KCNN2: variants seen among roughly 807,000 people sequenced by gnomAD.
KCNN2 encodes the protein potassium calcium-activated channel subfamily N member 2.
A neutral mutation model predicts 55.5 loss-of-function variants in KCNN2; 24 were observed. The ratio of observed to expected loss-of-function variants is 0.43; its 90% confidence interval spans 0.31 to 0.61. The LOEUF is 0.61. KCNN2 is among the 20% of genes least tolerant of loss of function. The probability of loss-of-function intolerance (pLI) is 0.08; values close to 1 mark genes in which losing one functional copy is unlikely to be tolerated. For missense variants in KCNN2, 754 were observed against 853.6 expected (o/e 0.88, Z 1.45); for synonymous variants, 431 against 336.1 (o/e 1.28, Z -3.09).
Position 114,362,859 on chromosome 5 carries a change from C to T in KCNN2, c.720C>T (p.Asp240=), listed in dbSNP as rs770799115. 8 of 1,599,910 alleles carry T rather than the reference C, an allele frequency of 5.0e-6. No homozygotes were observed. In the Admixed American group the frequency reaches 1.3e-4, roughly 27 times the overall value. Residue 240 remains aspartate (D), a synonymous_variant, in exon 1 of 8, where the codon GAC becomes GAT. Transcript: ENST00000673685. The part of the protein sequence containing the change: ...SASRRNLHEM[D]SEAQPLQPPA... ...CCCGCCGGAACCTGCACGAGATGGA[C>T]TCAGAGGCGCAGCCCCTGCAGCCCC... is the stretch of plus-strand genomic sequence containing the variant.
chr5:114,200,876 G>C (rs1177281878), intron 1 of KCNN2, among the ~76,000 whole-genome samples: 1 of 152,114 alleles, frequency 6.6e-6, no homozygotes, highest in East Asian at 1.9e-4. Context: ...TCGATGTCAA[G>C]TGAGCCAGTC....
chr5:114,115,609 CTT>C (rs1226777825), intron 1 of KCNN2, among the ~76,000 whole-genome samples: 1 of 151,964 alleles, frequency 6.6e-6, no homozygotes, highest in African/African-American at 2.4e-5. Context: ...AGATTTGACA[CTT>C]TGTTTGAATC....
At chr5:114,490,302 C>A (rs527400697) in intron 6 of KCNN2, among the ~76,000 whole-genome samples, 40 of 152,154 alleles carry the variant, frequency 2.6e-4, no homozygotes, top group South Asian at 1.5e-3. Context: ...TGTACCCCCC[C>A]AAAAAAATTA....
At chr5:114,071,332 C>G (rs1420354987) in intron 1 of KCNN2, among the ~76,000 whole-genome samples, 5 of 152,162 alleles carry the variant, frequency 3.3e-5, no homozygotes, top group Non-Finnish European at 5.9e-5. Context: ...GCCTTCAACT[C>G]CTAACCCTTG....
intron 1 of KCNN2, among the ~76,000 whole-genome samples, chr5:114,140,453 G>T (rs1219645597): frequency 6.6e-6 from 1 of 152,064 alleles, no homozygotes; most frequent in African/African-American, 2.4e-5. Flanking sequence ...GGAAGTAGAA[G>T]AATTAATCCC....
At chr5:114,079,341 T>C (rs1158539502) in intron 1 of KCNN2, among the ~76,000 whole-genome samples, 1 of 152,178 alleles carries the variant, frequency 6.6e-6, no homozygotes, top group East Asian at 1.9e-4. Flanking sequence ...TATAGCATTA[T>C]ACGTCATGAA....
chr5:114,143,607 GT>G (rs1237241440), intron 1 of KCNN2, among the ~76,000 whole-genome samples: 2 of 152,132 alleles, frequency 1.3e-5, no homozygotes, highest in Non-Finnish European at 2.9e-5. Flanking sequence ...ATGAACATCT[GT>G]TTTTCTGTGA....
chr5:114,319,737 C>A (rs922701787), intron 2 of KCNN2, among the ~76,000 whole-genome samples: 1 of 152,190 alleles, frequency 6.6e-6, no homozygotes, highest in South Asian at 2.1e-4. Flanking sequence ...AGATATAATG[C>A]TTGATAATGT....
intron 2 of KCNN2, among the ~76,000 whole-genome samples, chr5:114,314,278 C>T (rs956580530): frequency 2.0e-5 from 3 of 152,128 alleles, no homozygotes; most frequent in African/African-American, 7.2e-5. Flanking sequence ...ACACCTTGCA[C>T]TGGTGTGGAA....
At chr5:114,253,962 A>G (rs1386368672) in intron 2 of KCNN2, among the ~76,000 whole-genome samples, 1 of 152,238 alleles carries the variant, frequency 6.6e-6, no homozygotes, top group African/African-American at 2.4e-5. Context: ...TTCATAAACA[A>G]TTGCATGCCA....
Position 114,111,602 on chromosome 5 carries a change from C to T in KCNN2, c.-271+55102C>T, listed in dbSNP as rs562613179. 1.2e-3 allele frequency among the ~76,000 whole-genome samples: 176 copies of T among 152,148 alleles called. 1 individual carries two copies. Among genetic ancestry groups the T allele is most frequent in the African/African-American group, 4.2e-3 (173 of 41,484 alleles). ...ATCCATCTGACAAAGGGCTAATATC[C>T]AGAATCTACAAAGAACTCAAACAAA... On this transcript the variant is annotated intron_variant, in intron 1 of 10. Transcript: ENST00000512097.
intron 2 of KCNN2, among the ~76,000 whole-genome samples, chr5:114,241,719 T>C (rs4273595): frequency 0.11 from 11,021 of 104,934 alleles, 3,091 homozygotes; most frequent in Middle Eastern, 0.18. Flanking sequence ...TATATATATA[T>C]ACGTATATAT....
chr5:114,142,469 G>A (rs1021712966), intron 1 of KCNN2, among the ~76,000 whole-genome samples: 4 of 152,060 alleles, frequency 2.6e-5, no homozygotes, highest in Admixed American at 2.0e-4. Context: ...TTTAGAATAC[G>A]CCATCATCTC....
chr5:114,359,670 C>T (rs961401312), upstream of KCNN2, among the ~76,000 whole-genome samples: 4 of 152,018 alleles, frequency 2.6e-5, no homozygotes, highest in African/African-American at 4.8e-5. Flanking sequence ...AATTTATGAA[C>T]GGCTAATAAA....
rs180974342 is a variant in KCNN2 at position 114,421,830 on chromosome 5, G to A, written c.1637+16974G>A. Among the ~76,000 whole-genome samples the A allele has an allele frequency of 3.8e-3, 573 of 152,184 alleles. 2 individuals are homozygous for A. Among genetic ancestry groups the A allele is most frequent in the African/African-American group, 0.013 (557 of 41,524 alleles). ...TCACCATGTTGTCCAGGTGGGTCTCGAACTCCTGACCTCAGGTTATCCACC... is the reference window on the plus strand; with the variant it reads ...TCACCATGTTGTCCAGGTGGGTCTCAAACTCCTGACCTCAGGTTATCCACC... On this transcript the variant is annotated intron_variant, in intron 3 of 7. Coordinates refer to ENST00000673685, the MANE Select transcript of KCNN2 (RefSeq NM_021614.4).
chr5:114,243,336 G>T (rs574617280), intron 2 of KCNN2, among the ~76,000 whole-genome samples: 1 of 151,986 alleles, frequency 6.6e-6, no homozygotes, highest in African/African-American at 2.4e-5. Flanking sequence ...TCAGTTACTC[G>T]TGGCCAGCTG....
At chr5:114,339,405 G>A (rs897586775) in intron 2 of KCNN2, among the ~76,000 whole-genome samples, 3 of 152,136 alleles carry the variant, frequency 2.0e-5, no homozygotes, top group African/African-American at 7.2e-5. Context: ...CAGCAGACAT[G>A]GCCTACTCAC....
chr5:114,436,639 G>T (rs1249167441), intron 3 of KCNN2, among the ~76,000 whole-genome samples: 4 of 152,130 alleles, frequency 2.6e-5, no homozygotes, highest in Admixed American at 6.6e-5. Context: ...TGGACTATGT[G>T]TATAACATTG....
intron 1 of KCNN2, among the ~76,000 whole-genome samples, chr5:114,211,014 C>A (rs1279001369): frequency 1.3e-5 from 2 of 151,962 alleles, no homozygotes; most frequent in East Asian, 3.9e-4. Flanking sequence ...CAACAAGATA[C>A]CATTTCACAC....
Sources: gnomAD v4.1 joint callset for allele counts (sites outside exome capture counted in the v4.1 genomes callset) on GRCh38, gnomAD v4.1.1 for gene constraint, MANE v1.5 for transcripts, NCBI Gene and HGNC (gene_info 2026-07-23, HGNC 2026-07-21) for gene names.